The following ZSWIM9 variants were observed in gnomAD, a reference collection of about 807,000 sequenced individuals.
The protein encoded by ZSWIM9 is zinc finger SWIM-type containing 9.
Under a neutral mutation model 25.0 loss-of-function variants are expected in ZSWIM9, and 11 were observed. The ratio of observed to expected loss-of-function variants is 0.44; its 90% CI spans 0.28 to 0.73. The LOEUF is 0.73. ZSWIM9 is among the 30% of genes least tolerant of loss of function. The pLI, the probability that ZSWIM9 is intolerant of heterozygous loss-of-function variation, is 0.16. For missense variants in ZSWIM9, 1,070 were observed against 1,296.5 expected (o/e 0.83, Z 2.68); for synonymous variants, 562 against 582.1 (o/e 0.97, Z 0.50).
chr19:48,179,798 A>C (rs1396436845), intron 2 of ZSWIM9, among the ~76,000 whole-genome samples: 1 of 152,206 alleles, frequency 6.6e-6, no homozygotes, highest in East Asian at 1.9e-4. Context: ...TCTTAGTCTC[A>C]ATTGATGTAA....
chr19:48,193,884 A>C (rs1038321619), intron 3 of ZSWIM9, among the ~76,000 whole-genome samples: 7 of 152,198 alleles, frequency 4.6e-5, no homozygotes, highest in Admixed American at 3.3e-4. Context: ...CAGAAGGCAC[A>C]CAGCCAGGAA....
At chr19:48,171,689 G>T (rs745806865) in intron 1 of ZSWIM9, 105 bp from the exon 2 acceptor site, 14 of 1,153,784 alleles carry the variant, frequency 1.2e-5, no homozygotes, top group African/African-American at 4.7e-5. Flanking sequence ...TACCCACCTC[G>T]ATAGAGGCAC....
Position 48,196,195 on chromosome 19 carries a change from G to T in ZSWIM9, c.2131G>T (p.Gly711Cys), listed in dbSNP as rs892931853. ...GARVGVKRRR[G>C]LEDIVLVQLG... is the part of the protein sequence containing the mutation. Reference sequence around the variant, plus strand: ...GAGGGTGGGGGTCAAAAGAAGAAGGGGCCTGGAGGATATAGTTCTGGTCCA... The same window carrying T: ...GAGGGTGGGGGTCAAAAGAAGAAGGTGCCTGGAGGATATAGTTCTGGTCCA... The change falls in exon 4 of 4, where the codon GGC becomes TGC. Residue 711 changes from glycine to cysteine, a missense_variant. By Grantham distance (159) the Gly-to-Cys change is radical (BLOSUM62 -3). Transcript: ENST00000614654. The T allele has an allele frequency of 2.4e-6, 3 of 1,236,296 alleles. No individual in the cohort carries two copies. The highest frequency in any genetic ancestry group is 3.0e-6 in the Non-Finnish European group (3 of 990,956). The allele number at this position is 1,236,296 out of a possible 1,614,324, so 76.6% of individuals were successfully genotyped here. A position where few individuals can be genotyped will look rare whatever the true frequency, so the allele number is the denominator to read the frequency against.
At chr19:48,189,540 C>G (rs1167247726) in intron 3 of ZSWIM9, 2 of 153,896 alleles carry the variant, frequency 1.3e-5, no homozygotes, top group African/African-American at 4.8e-5. Context: ...TGCACTCCAG[C>G]CTGGGCGACA....
intron 2 of ZSWIM9, among the ~76,000 whole-genome samples, chr19:48,175,815 C>G (rs1327010622): frequency 1.3e-5 from 2 of 152,212 alleles, no homozygotes; most frequent in African/African-American, 4.8e-5. Context: ...CCATCCCTCT[C>G]TCTCAGCACT....
chr19:48,182,370 GT>G lies in ZSWIM9; in HGVS notation c.276-82del. On this transcript the variant is annotated intron_variant, in intron 2 of 3. Coordinates refer to ENST00000614654, the MANE Select transcript of ZSWIM9 (RefSeq NM_199341.4). The surrounding 1 kb of genome is among the most constrained non-coding windows in gnomAD (Gnocchi z 4.6). ...TTCTCTATGCCTGAAACAATTCTTAGTTTAAAAAAAAAAAAAAGGTGAGTGG... is the reference window on the plus strand; with the variant it reads ...TTCTCTATGCCTGAAACAATTCTTAGTTAAAAAAAAAAAAAAGGTGAGTGG... The G allele has an allele frequency of 9.7e-7, 1 of 1,031,932 alleles. No individual in the cohort carries two copies. The highest frequency in any genetic ancestry group is 1.3e-6 in the Non-Finnish European group (1 of 757,452). 63.9% of individuals were successfully genotyped at this position (1,031,932 alleles called of 1,614,324 possible).
chr19:48,194,975 C>G lies in ZSWIM9; in HGVS notation c.911C>G (p.Ala304Gly), dbSNP rs895134965. Residue 304 changes from alanine to glycine, a missense_variant, in exon 4 of 4, where the codon GCA becomes GGA. This residue lies in a region of ZSWIM9 where 184 missense variants were observed against 243.1 expected (regional missense o/e 0.76). Transcript: ENST00000614654. This position sits in a 1 kb window ranked among gnomAD's most constrained non-coding sequence, Gnocchi z 6.0. ...AGPEVAAQLP[A>G]VRQLLPCARV... ...CCCGAGGTGGCGGCGCAGTTGCCTG[C>G]AGTGCGCCAGCTGCTGCCCTGCGCG... 2.0e-4 allele frequency: 261 copies of G among 1,332,902 alleles called. No individual in the cohort carries two copies. The highest frequency in any genetic ancestry group is 2.4e-4 in the Non-Finnish European group (252 of 1,045,248). The allele number at this position is 1,332,902 out of a possible 1,614,324, so 82.6% of individuals were successfully genotyped here.
At chr19:48,191,086 ATGTGTATGTGTG>A (rs981758092) in intron 3 of ZSWIM9, among the ~76,000 whole-genome samples, 28 of 142,650 alleles carry the variant, frequency 2.0e-4, no homozygotes, top group South Asian at 6.6e-4. Flanking sequence ...TGCAGTGTGT[ATGTGTATGTGTG>A]TGTGTGTGTG....
At chr19:48,179,755 A>G (rs553952732) in intron 2 of ZSWIM9, among the ~76,000 whole-genome samples, 1 of 152,366 alleles carries the variant, frequency 6.6e-6, no homozygotes, top group South Asian at 2.1e-4. Context: ...GTGAAAAGCC[A>G]GCTGCAAAGG....
At position 48,182,758 on chromosome 19, in the gene ZSWIM9, C is replaced by A; in HGVS notation, c.579C>A (p.Pro193=). ...HVLEGLFRTD[P]EAKVKLVFVE... Reference sequence around the variant, plus strand: ...TCGAGGGCCTCTTCCGCACCGACCCCGAGGCCAAGGTGGGGTCTCGAGAGA... The same window carrying A: ...TCGAGGGCCTCTTCCGCACCGACCCAGAGGCCAAGGTGGGGTCTCGAGAGA... The change falls in exon 3 of 4, where the codon CCC becomes CCA. Residue 193 remains proline (P), a synonymous_variant. Coordinates refer to ENST00000614654, the MANE Select transcript of ZSWIM9 (RefSeq NM_199341.4). This position sits in a 1 kb window ranked among gnomAD's most constrained non-coding sequence, Gnocchi z 4.6. 8 of 1,525,592 alleles carry A rather than the reference C, an allele frequency of 5.2e-6. No homozygotes were observed. Among genetic ancestry groups the A allele is most frequent in the Non-Finnish European group, 7.0e-6 (8 of 1,138,690 alleles). The allele number at this position is 1,525,592 out of a possible 1,614,324, so 94.5% of individuals were successfully genotyped here. A position where few individuals can be genotyped will look rare whatever the true frequency, so the allele number is the denominator to read the frequency against.
Position 48,172,190 on chromosome 19 carries a change from A to G in ZSWIM9, c.275+113A>G, listed in dbSNP as rs893858969. The G allele has an allele frequency of 2.8e-6, 3 of 1,064,558 alleles. No homozygotes were observed. In the Admixed American group the frequency reaches 8.1e-5, roughly 29 times the overall value. 65.9% of individuals were successfully genotyped at this position (1,064,558 alleles called of 1,614,324 possible). ...CCAGAGATGCAGAGGGGGAGAGGCC[A>G]ACTGAGGCAGCCAAATACACCTTGC... is the stretch of plus-strand genomic sequence containing the variant. On this transcript the variant is annotated intron_variant, in intron 2 of 3. Transcript: ENST00000614654.
Position 48,195,168 on chromosome 19 carries a change from C to T in ZSWIM9, c.1104C>T (p.His368=), listed in dbSNP as rs1210694406. The T allele has an allele frequency of 2.6e-6, 4 of 1,519,218 alleles. No homozygotes were observed. In the Admixed American group the frequency reaches 7.9e-5, roughly 30 times the overall value. The allele number at this position is 1,519,218 out of a possible 1,614,324, so 94.1% of individuals were successfully genotyped here. A position where few individuals can be genotyped will look rare whatever the true frequency, so the allele number is the denominator to read the frequency against. Reference sequence around the variant, plus strand: ...AGGCGCTGGCCGAGCTCCACGCCCACGGCCCAGCCGCCTTCGTGGACTACT... The same window carrying T: ...AGGCGCTGGCCGAGCTCCACGCCCATGGCCCAGCCGCCTTCGTGGACTACT... ...YDEALAELHA[H]GPAAFVDYFE... The change falls in exon 4 of 4, where the codon CAC becomes CAT. Residue 368 remains histidine (H), a synonymous_variant. Transcript: ENST00000614654. The surrounding 1 kb of genome is among the most constrained non-coding windows in gnomAD (Gnocchi z 5.8).
In ZSWIM9 at chr19:48,195,422, G is replaced by T; in HGVS notation, c.1358G>T (p.Trp453Leu). ...GAGGGGCCCGATGGCGGGGGGCCTT[G>T]GCTGGAGGATGAGCCAGGGAGGGGA... ...VPEGPDGGGP[W>L]LEDEPGRGAQ... Residue 453 changes from tryptophan (W) to leucine (L), a missense_variant, in exon 4 of 4, where the codon TGG becomes TTG. Physicochemically the swap from Trp to Leu is moderately conservative, Grantham distance 61. Coordinates refer to ENST00000614654, the MANE Select transcript of ZSWIM9 (RefSeq NM_199341.4). This position sits in a 1 kb window ranked among gnomAD's most constrained non-coding sequence, Gnocchi z 5.8. 6.9e-7 allele frequency: 1 copy of T among 1,451,566 alleles called. No homozygotes were observed. The highest frequency in any genetic ancestry group is 2.7e-5 in the East Asian group (1 of 37,722). The allele number at this position is 1,451,566 out of a possible 1,614,324, so 89.9% of individuals were successfully genotyped here.
chr19:48,185,233 G>A lies in ZSWIM9; in HGVS notation c.588+2466G>A, dbSNP rs151194982. On this transcript the variant is annotated intron_variant, in intron 3 of 3. Coordinates refer to ENST00000614654, the MANE Select transcript of ZSWIM9 (RefSeq NM_199341.4). ...TGGCTCACCGCAACCTCCGCCTCCC[G>A]GGTTCAAACGATTCTCCTGCCTCAG... is the stretch of plus-strand genomic sequence containing the variant. Among the ~76,000 whole-genome samples, 15 of 150,914 alleles carry A rather than the reference G, an allele frequency of 9.9e-5. No homozygotes were observed. In the East Asian group the frequency reaches 1.4e-3, roughly 14 times the overall value.
chr19:48,196,889 A>C lies in ZSWIM9; in HGVS notation c.*62A>C. On this transcript the variant is annotated 3_prime_UTR_variant, in exon 4 of 4. Transcript: ENST00000614654. ...GGTCGGAGGGCATTCTTCGATCCCA[A>C]AGATAATAGGGCTGAGGCCAAGGAG... is the stretch of plus-strand genomic sequence containing the variant. 1 of 1,241,704 alleles carries C rather than the reference A, an allele frequency of 8.1e-7. No individual in the cohort carries two copies. The highest frequency in any genetic ancestry group is 1.0e-6 in the Non-Finnish European group (1 of 991,660). 76.9% of individuals were successfully genotyped at this position (1,241,704 alleles called of 1,614,324 possible). A position where few individuals can be genotyped will look rare whatever the true frequency, so the allele number is the denominator to read the frequency against.
chr19:48,182,710 C>T lies in ZSWIM9; in HGVS notation c.531C>T (p.Gly177=), dbSNP rs754139382. The T allele has an allele frequency of 3.3e-6, 5 of 1,535,174 alleles. No homozygotes were observed. Among genetic ancestry groups the T allele is most frequent in the Middle Eastern group, 1.7e-4 (1 of 6,008 alleles). The change falls in exon 3 of 4, where the codon GGC becomes GGT. Residue 177 remains glycine, a synonymous_variant. Coordinates refer to ENST00000614654, the MANE Select transcript of ZSWIM9 (RefSeq NM_199341.4). The surrounding 1 kb of genome is among the most constrained non-coding windows in gnomAD (Gnocchi z 4.6). ...LLSYCKGRDH[G]VLDALHVLEG... ...CCTACTGCAAGGGCCGCGACCACGG[C>T]GTCCTGGACGCCCTGCACGTGCTCG...
At position 48,192,026 on chromosome 19, in the gene ZSWIM9, T is replaced by C. The variant is rs375172439; in HGVS notation, c.589-2627T>C. The C allele has an allele frequency of 3.6e-4, 55 of 154,818 alleles. 1 individual carries two copies. Among genetic ancestry groups the C allele is most frequent in the African/African-American group, 1.0e-3 (42 of 41,624 alleles). The allele number at this position is 154,818 out of a possible 1,614,324, so 9.6% of individuals were successfully genotyped here. ...AATCATAGTATCTATCTTACAGGGA[T>C]ATTGTAAGGATGAAAGATTAGCTGT... On this transcript the variant is annotated intron_variant, in intron 3 of 3. Coordinates refer to ENST00000614654, the MANE Select transcript of ZSWIM9 (RefSeq NM_199341.4).
chr19:48,196,521 C>T lies in ZSWIM9; in HGVS notation c.2457C>T (p.Asp819=). ...GACCCCCGGGAGAGGAGGAGGTGGA[C>T]TGGGAACCCCTGGCCAAATTCCGAG... is the stretch of plus-strand genomic sequence containing the variant. ...LCRPPGEEEV[D]WEPLAKFRAA... Residue 819 remains aspartate (D), a synonymous_variant, in exon 4 of 4, where the codon GAC becomes GAT. Transcript: ENST00000614654. 8.1e-7 allele frequency: 1 copy of T among 1,232,508 alleles called. No homozygotes were observed. 76.3% of individuals were successfully genotyped at this position (1,232,508 alleles called of 1,614,324 possible).
At position 48,182,777 on chromosome 19, in the gene ZSWIM9, C is replaced by G. The variant is rs896485130; in HGVS notation, c.588+10C>G. On this transcript the variant is annotated intron_variant, in intron 3 of 3. Transcript: ENST00000614654. This position sits in a 1 kb window ranked among gnomAD's most constrained non-coding sequence, Gnocchi z 4.6. ...CGACCCCGAGGCCAAGGTGGGGTCT[C>G]GAGAGAGGCAGGCCGGGGGAGGGGG... is the stretch of plus-strand genomic sequence containing the variant. 8 of 1,516,458 alleles carry G rather than the reference C, an allele frequency of 5.3e-6. No individual in the cohort carries two copies. The African/African-American group carries it at 6.9e-5, about 13-fold the overall frequency. The allele number at this position is 1,516,458 out of a possible 1,614,324, so 93.9% of individuals were successfully genotyped here. A position where few individuals can be genotyped will look rare whatever the true frequency, so the allele number is the denominator to read the frequency against.
Sources: allele counts gnomAD v4.1 joint callset (sites outside exome capture counted in the v4.1 genomes callset), GRCh38; gene constraint gnomAD v4.1.1; regional missense constraint gnomAD v4.1.1; non-coding constraint Gnocchi (gnomAD v3.1); transcripts MANE v1.5; gene names NCBI Gene and HGNC (gene_info 2026-07-23, HGNC 2026-07-21).